Variants in TENM3 observed in about 807,000 individuals in gnomAD.
TENM3 encodes the protein teneurin-3.
Under a neutral mutation model 255.1 loss-of-function variants are expected in TENM3, and 63 were observed. The ratio of observed to expected loss-of-function variants is 0.25; its 90% CI spans 0.20 to 0.30. The LOEUF is 0.30. Among genes scored for constraint, TENM3 ranks in the 10% least tolerant of loss-of-function variants. The pLI is 1.00. For missense variants in TENM3, 2,929 were observed against 3,461.1 expected, an observed-to-expected ratio of 0.85 and a Z score of 3.86; for synonymous variants, 1,306 against 1,322.3, an observed-to-expected ratio of 0.99 and a Z score of 0.27.
At chr4:182,332,210 A>G (rs552815013) in intron 2 of TENM3, among the ~76,000 whole-genome samples, 1 of 152,284 alleles carries the variant, frequency 6.6e-6, no homozygotes, top group South Asian at 2.1e-4. Context: ...TAACAAAAAG[A>G]TAAATGAAGA....
the TENM3 span, among the ~76,000 whole-genome samples, chr4:181,666,275 T>A: frequency 6.6e-6 from 1 of 152,236 alleles, no homozygotes; most frequent in African/African-American, 2.4e-5. Context: ...GATAGATTTT[T>A]AGCAGCTTCC....
chr4:182,326,498 G>C (rs926547761), intron 2 of TENM3, among the ~76,000 whole-genome samples: 11 of 145,202 alleles, frequency 7.6e-5, no homozygotes, highest in Admixed American at 7.0e-4. Flanking sequence ...ATCACCCTTT[G>C]ATTTATTGCA....
At chr4:181,694,607 C>T in the TENM3 span, among the ~76,000 whole-genome samples, 1 of 152,152 alleles carries the variant, frequency 6.6e-6, no homozygotes, top group South Asian at 2.1e-4. Context: ...GGACGAATAT[C>T]ACATGACCCC....
intron 1 of TENM3, among the ~76,000 whole-genome samples, chr4:182,261,215 A>C (rs1386794127): frequency 3.9e-5 from 6 of 152,198 alleles, no homozygotes; most frequent in Admixed American, 3.9e-4. Context: ...CATTCAACAC[A>C]TACTTATTTA....
chr4:182,099,989 A>G, the TENM3 span, among the ~76,000 whole-genome samples: 799 of 152,280 alleles, frequency 5.2e-3, 9 homozygotes, highest in African/African-American at 0.018. Context: ...GACTTGATCC[A>G]CAGTGGCTAA....
the TENM3 span, among the ~76,000 whole-genome samples, chr4:181,723,890 C>G: frequency 2.6e-5 from 4 of 152,304 alleles, no homozygotes; most frequent in East Asian, 7.7e-4. Flanking sequence ...ACTTTAGAAA[C>G]TAGAGATAGT....
the TENM3 span, among the ~76,000 whole-genome samples, chr4:182,003,545 G>A: frequency 2.6e-5 from 4 of 151,930 alleles, no homozygotes; most frequent in South Asian, 2.1e-4. Context: ...AGCTTCTCCC[G>A]TAATGATTTG....
chr4:181,553,732 C>T, the TENM3 span, among the ~76,000 whole-genome samples: 2 of 152,126 alleles, frequency 1.3e-5, no homozygotes, highest in African/African-American at 2.4e-5. Context: ...TGAGCCACCG[C>T]GCCCGGCCAA....
the TENM3 span, among the ~76,000 whole-genome samples, chr4:182,135,590 T>G: frequency 1.3e-5 from 2 of 152,242 alleles, no homozygotes; most frequent in South Asian, 4.1e-4. Context: ...TTCTAAAGTC[T>G]TAAGGAAGTT....
the TENM3 span, among the ~76,000 whole-genome samples, chr4:181,848,041 G>A: frequency 4.6e-5 from 7 of 152,152 alleles, no homozygotes; most frequent in Admixed American, 2.6e-4. Flanking sequence ...TTGATTGGGT[G>A]CACGAAACTG....
chr4:182,355,584 A>T (rs1485648594), intron 3 of TENM3, among the ~76,000 whole-genome samples: 3 of 152,190 alleles, frequency 2.0e-5, no homozygotes, highest in African/African-American at 7.2e-5. Context: ...TAATTGACTT[A>T]GAGGTCAAAC....
At chr4:181,456,226 T>A in the TENM3 span, among the ~76,000 whole-genome samples, 5 of 151,448 alleles carry the variant, frequency 3.3e-5, no homozygotes, top group African/African-American at 1.2e-4. Flanking sequence ...TATATGAAGC[T>A]ATTAAGTGAC....
chr4:182,504,793 C>T (rs1736653806), intron 3 of TENM3, among the ~76,000 whole-genome samples: 1 of 152,186 alleles, frequency 6.6e-6, no homozygotes, highest in African/African-American at 2.4e-5. Flanking sequence ...CTGTCAACTA[C>T]AGTTATTTCC....
chr4:182,572,361 A>G (rs1310071149), intron 3 of TENM3, among the ~76,000 whole-genome samples: 8 of 152,200 alleles, frequency 5.3e-5, no homozygotes, highest in Admixed American at 5.2e-4. Flanking sequence ...TGGTCTTTTC[A>G]TCCACACTTA....
chr4:182,100,843 ATATATATATATATACT>A, the TENM3 span, among the ~76,000 whole-genome samples: 3 of 794 alleles, frequency 3.8e-3, no homozygotes, highest in African/African-American at 5.2e-3. Context: ...ATATATACTC[ATATATATATATATACT>A]CATATATATA....
At chr4:182,466,396 T>G (rs1034067078) in intron 3 of TENM3, among the ~76,000 whole-genome samples, 1 of 152,192 alleles carries the variant, frequency 6.6e-6, no homozygotes, top group Non-Finnish European at 1.5e-5. Context: ...CATTTTCATG[T>G]GGACTTCTTT....
intron 1 of TENM3, among the ~76,000 whole-genome samples, chr4:182,228,747 C>T (rs893313707): frequency 2.0e-5 from 3 of 152,102 alleles, no homozygotes; most frequent in Non-Finnish European, 4.4e-5. Flanking sequence ...TTTTGAGGGA[C>T]AGGAGCTGAT....
At chr4:182,015,411 A>G in the TENM3 span, among the ~76,000 whole-genome samples, 3 of 152,208 alleles carry the variant, frequency 2.0e-5, no homozygotes, top group Non-Finnish European at 4.4e-5. Context: ...CATTCTGAAC[A>G]TCTTAGCTTT....
the TENM3 span, among the ~76,000 whole-genome samples, chr4:182,045,171 G>A: frequency 1.3e-5 from 2 of 152,132 alleles, no homozygotes; most frequent in African/African-American, 2.4e-5. Context: ...CTGTCCTTCT[G>A]AATGAGCAGG....
Sources: gnomAD v4.1 joint callset for allele counts (sites outside exome capture counted in the v4.1 genomes callset) on GRCh38, gnomAD v4.1.1 for gene constraint, MANE v1.5 for transcripts, NCBI Gene and HGNC (gene_info 2026-07-23, HGNC 2026-07-21) for gene names.